CCDC88C: variants seen among roughly 807,000 people sequenced by gnomAD.
CCDC88C encodes protein Daple.
A neutral mutation model predicts 198.8 loss-of-function variants in CCDC88C; 131 were observed. The observed-to-expected ratio is 0.66, with a 90% confidence interval of 0.57 to 0.76. The LOEUF is 0.76. CCDC88C is among the 30% of genes least tolerant of loss of function. CCDC88C has a pLI of 0.00. For missense variants in CCDC88C, 2,553 were observed against 2,631.6 expected (o/e 0.97, Z 0.65); for synonymous variants, 1,166 against 1,114.7 (o/e 1.05, Z -0.92).
At chr14:91,355,267 C>T (rs1893992614) in intron 4 of CCDC88C, among the ~76,000 whole-genome samples, 1 of 152,136 alleles carries the variant, frequency 6.6e-6, no homozygotes, top group Non-Finnish European at 1.5e-5. Context: ...ACAGCGCAGA[C>T]ACGGGTAAGA....
rs10671669 is a variant in CCDC88C at position 91,278,889 on chromosome 14, CTTTTT to C, written c.4768+344_4768+348del. ...CCCCAGAGCCAAACCACCAAATACA[CTTTTT>C]TTTTTTTTTTTTTTTTTTTTTTCTG... On this transcript the variant is annotated intron_variant, in intron 28 of 29. Transcript: ENST00000389857. Among the ~76,000 whole-genome samples the C allele has an allele frequency of 7.5e-4, 41 of 54,500 alleles. 1 individual carries two copies. Among genetic ancestry groups the C allele is most frequent in the African/African-American group, 2.4e-3 (32 of 13,066 alleles). The allele number at this position is 54,500 out of a possible 152,430, so 35.8% of individuals were successfully genotyped here.
At chr14:91,294,030 G>A in intron 23 of CCDC88C, 143 bp downstream of exon 23, 1 of 841,214 alleles carries the variant, frequency 1.2e-6, no homozygotes, top group Non-Finnish European at 1.9e-6. Context: ...GGCAGTCCGT[G>A]CTGGTGATCG....
chr14:91,313,133 C>T lies in CCDC88C; in HGVS notation c.2683G>A (p.Asp895Asn), dbSNP rs1292097564. The T allele has an allele frequency of 8.1e-6, 13 of 1,608,054 alleles. No individual in the cohort carries two copies. The highest frequency in any genetic ancestry group is 1.1e-5 in the Non-Finnish European group (13 of 1,175,818). The change falls in exon 15 of 30, where the codon GAC (aspartate) becomes AAC (asparagine). Residue 895 changes from aspartate to asparagine, a missense_variant. By Grantham distance (23) the Asp-to-Asn change is conservative. Coordinates refer to ENST00000389857, the MANE Select transcript of CCDC88C (RefSeq NM_001080414.4). The surrounding 1 kb of genome is among the most constrained non-coding windows in gnomAD (Gnocchi z 5.2). ...TGCACGGTGACTTGCTTGGTGAGGT[C>T]CCGGTTGTCCTTCTCCAGCTCCTTC... ...KLKELEKDNRDLTKQVTVHAR... is the reference protein window; with the variant it reads ...KLKELEKDNRNLTKQVTVHAR...
intron 4 of CCDC88C, among the ~76,000 whole-genome samples, chr14:91,351,638 C>T (rs994822366): frequency 2.6e-5 from 4 of 152,122 alleles, no homozygotes; most frequent in African/African-American, 9.7e-5. Flanking sequence ...CCCCACCCCC[C>T]GGCATTAACA....
Position 91,281,482 on chromosome 14 carries a change from A to T in CCDC88C, c.4674T>A (p.Phe1558Leu). 6 of 1,613,928 alleles carry T rather than the reference A, an allele frequency of 3.7e-6. No individual in the cohort carries two copies. Among genetic ancestry groups the T allele is most frequent in the Non-Finnish European group, 5.1e-6 (6 of 1,179,844 alleles). The change falls in exon 27 of 30, where the codon TTT (phenylalanine) becomes TTA (leucine). Residue 1558 changes from phenylalanine (F) to leucine (L), a missense_variant. This residue lies in a region of CCDC88C where 1,293 missense variants were observed against 1,219.6 expected (regional missense o/e 1.06). Coordinates refer to ENST00000389857, the MANE Select transcript of CCDC88C (RefSeq NM_001080414.4). ...CGTACTGCCTGTGGTTGGGGACCTCAAACTCCAGGGATGGCTCACAGAGGT... is the reference window on the plus strand; with the variant it reads ...CGTACTGCCTGTGGTTGGGGACCTCTAACTCCAGGGATGGCTCACAGAGGT... ...DDNLCEPSLE[F>L]EVPNHRQYVS...
At chr14:91,370,790 G>A (rs934393261) in intron 3 of CCDC88C, among the ~76,000 whole-genome samples, 1 of 152,192 alleles carries the variant, frequency 6.6e-6, no homozygotes, top group Non-Finnish European at 1.5e-5. Context: ...GCAGAGGGAT[G>A]CTGAGAATCT....
chr14:91,282,122 G>C (rs1297156918), intron 26 of CCDC88C, among the ~76,000 whole-genome samples: 1 of 152,112 alleles, frequency 6.6e-6, no homozygotes, highest in African/African-American at 2.4e-5. Flanking sequence ...GCAGACCCTG[G>C]GTCCCCTCCA....
intron 21 of CCDC88C, among the ~76,000 whole-genome samples, chr14:91,299,715 C>T (rs904029422): frequency 1.1e-4 from 16 of 152,242 alleles, no homozygotes; most frequent in African/African-American, 2.9e-4. Context: ...ACTCAGACGA[C>T]GCGCCATCCC....
chr14:91,395,787 AC>A (rs1477851376), intron 3 of CCDC88C, among the ~76,000 whole-genome samples: 1 of 151,742 alleles, frequency 6.6e-6, no homozygotes, highest in Non-Finnish European at 1.5e-5. Flanking sequence ...CCTACAGAAC[AC>A]CCCTACATGT....
At chr14:91,306,988 G>GTCTC in intron 18 of CCDC88C, 50 bp downstream of exon 18, 7 of 1,482,632 alleles carry the variant, frequency 4.7e-6, no homozygotes, top group Non-Finnish European at 6.4e-6. Context: ...TGATAAGGCA[G>GTCTC]TCTCTCTCTC....
chr14:91,298,272 A>G (rs1891105337), intron 21 of CCDC88C, among the ~76,000 whole-genome samples: 1 of 152,070 alleles, frequency 6.6e-6, no homozygotes, highest in Non-Finnish European at 1.5e-5. Context: ...ATCTCTGCAA[A>G]AAGTAGAAAA....
At chr14:91,401,965 T>G (rs1886228563) in intron 3 of CCDC88C, among the ~76,000 whole-genome samples, 1 of 152,116 alleles carries the variant, frequency 6.6e-6, no homozygotes, top group Non-Finnish European at 1.5e-5. Flanking sequence ...CAAATGGACA[T>G]TTCCTTCTAT....
At chr14:91,415,153 C>A (rs902456516) in intron 2 of CCDC88C, among the ~76,000 whole-genome samples, 2 of 151,984 alleles carry the variant, frequency 1.3e-5, no homozygotes, top group Admixed American at 1.3e-4. Flanking sequence ...CCGGTCATTG[C>A]GCCAATGGAA....
At chr14:91,283,703 G>A (rs1890293083) in intron 25 of CCDC88C, 186 bp from the exon 26 acceptor site, 1 of 608,186 alleles carries the variant, frequency 1.6e-6, no homozygotes, top group South Asian at 2.0e-5. Context: ...AAGAGGGCTT[G>A]GCTTCAGGTG....
At position 91,271,679 on chromosome 14, in the gene CCDC88C, A is replaced by G. The variant is rs752388531; in HGVS notation, c.*946T>C. ...ATGAGTGTGTACATATACATGTCATATATTAAAAAAAATTGGTTTCTATAC... is the reference window on the plus strand; with the variant it reads ...ATGAGTGTGTACATATACATGTCATGTATTAAAAAAAATTGGTTTCTATAC... On this transcript the variant is annotated 3_prime_UTR_variant, in exon 30 of 30. Transcript: ENST00000389857. The G allele has an allele frequency of 1.3e-5, 2 of 152,230 alleles. No individual in the cohort carries two copies. The highest frequency in any genetic ancestry group is 2.9e-5 in the Non-Finnish European group (2 of 68,046). The allele number at this position is 152,230 out of a possible 1,614,324, so 9.4% of individuals were successfully genotyped here.
intron 10 of CCDC88C, among the ~76,000 whole-genome samples, chr14:91,335,738 A>G (rs1893020697): frequency 1.3e-5 from 2 of 152,190 alleles, no homozygotes; most frequent in Non-Finnish European, 2.9e-5. Context: ...CACAATCGGA[A>G]AGGTTTCAAG....
intron 3 of CCDC88C, among the ~76,000 whole-genome samples, chr14:91,397,434 CTG>C (rs1885910516): frequency 6.6e-6 from 1 of 152,170 alleles, no homozygotes; most frequent in Non-Finnish European, 1.5e-5. Flanking sequence ...AACAGAAAGA[CTG>C]TGTACACACA....
At chr14:91,362,173 G>A (rs752468671) in intron 3 of CCDC88C, among the ~76,000 whole-genome samples, 1 of 151,298 alleles carries the variant, frequency 6.6e-6, no homozygotes, top group East Asian at 1.9e-4. Context: ...GGCAAAGGTC[G>A]CAGGGAGCCG....
Position 91,318,096 on chromosome 14 carries a change from T to TAGG in CCDC88C, c.1528-2310_1528-2309insCCT, listed in dbSNP as rs1388629497. Among the ~76,000 whole-genome samples, 481 of 152,326 alleles carry TAGG rather than the reference T, an allele frequency of 3.2e-3. 3 individuals are homozygous for TAGG. The highest frequency in any genetic ancestry group is 0.011 in the African/African-American group (456 of 41,580). ...TTGGGCTGCCACTTATGAAGACATT[T>TAGG]CCCGTGCTAGGCCCACATGAATCTA... On this transcript the variant is annotated intron_variant, in intron 13 of 29. Transcript: ENST00000389857.
Sources: allele counts gnomAD v4.1 joint callset (sites outside exome capture counted in the v4.1 genomes callset), GRCh38; gene constraint gnomAD v4.1.1; regional missense constraint gnomAD v4.1.1; non-coding constraint Gnocchi (gnomAD v3.1); transcripts MANE v1.5; gene names NCBI Gene and HGNC (gene_info 2026-07-23, HGNC 2026-07-21).